LNX1: variants seen among roughly 807,000 people sequenced by gnomAD.
LNX1 encodes ligand of numb-protein X 1, also known as E3 ubiquitin-protein ligase LNX.
Under a neutral mutation model 68.4 loss-of-function variants are expected in LNX1, and 54 were observed. The ratio of observed to expected loss-of-function variants is 0.79; its 90% confidence interval spans 0.63 to 0.99. LNX1 has a LOEUF of 0.99. LNX1 is among the 50% of genes least tolerant of loss of function. LNX1 has a pLI of 0.00. For missense variants in LNX1, 906 were observed against 926.4 expected, an observed-to-expected ratio of 0.98 and a Z score of 0.29; for synonymous variants, 336 against 350.0, an observed-to-expected ratio of 0.96 and a Z score of 0.45.
chr4:53,469,670 T>C (rs1204168421), intron 9 of LNX1, among the ~76,000 whole-genome samples: 1 of 152,054 alleles, frequency 6.6e-6, no homozygotes, highest in Non-Finnish European at 1.5e-5. Flanking sequence ...TCACCACCAA[T>C]CCCACAGAAA....
intron 2 of LNX1, among the ~76,000 whole-genome samples, chr4:53,531,084 G>A (rs1727989488): frequency 6.6e-6 from 1 of 152,190 alleles, no homozygotes; most frequent in Non-Finnish European, 1.5e-5. Context: ...AGGATGGCTT[G>A]AGCCTGGGGA....
chr4:53,579,556 A>G (rs898335376), intron 1 of LNX1, among the ~76,000 whole-genome samples: 1 of 152,174 alleles, frequency 6.6e-6, no homozygotes, highest in Non-Finnish European at 1.5e-5. Context: ...GACAATAAAG[A>G]CACATACCAG....
intron 1 of LNX1, among the ~76,000 whole-genome samples, chr4:53,580,788 A>G (rs1299727480): frequency 1.3e-5 from 2 of 152,162 alleles, no homozygotes; most frequent in Non-Finnish European, 2.9e-5. Context: ...AATCCTTAGA[A>G]CCATTGCTAT....
At chr4:53,607,351 T>C (rs561910092) in intron 2 of LNX1, among the ~76,000 whole-genome samples, 2 of 152,208 alleles carry the variant, frequency 1.3e-5, no homozygotes, top group African/African-American at 4.8e-5. Flanking sequence ...GAGAATGCAA[T>C]CTCATTCACG....
chr4:53,496,546 C>T (rs1487728808), intron 5 of LNX1, 152 bp from the exon 6 acceptor site: 6 of 920,442 alleles, frequency 6.5e-6, no homozygotes, highest in African/African-American at 1.7e-5. Flanking sequence ...CTTCCAACAG[C>T]GTTTCTAACC....
chr4:53,473,482 C>G (rs1367583265), intron 9 of LNX1, among the ~76,000 whole-genome samples: 3 of 152,154 alleles, frequency 2.0e-5, no homozygotes, highest in African/African-American at 7.2e-5. Flanking sequence ...TAAAGAAGAA[C>G]AAGATCATGT....
chr4:53,482,625 T>C lies in LNX1; in HGVS notation c.1351-771A>G, dbSNP rs568373600. 4.6e-5 allele frequency among the ~76,000 whole-genome samples: 7 copies of C among 152,326 alleles called. No individual in the cohort carries two copies. The East Asian group carries it at 1.2e-3, about 25-fold the overall frequency. On this transcript the variant is annotated intron_variant, in intron 6 of 10. Coordinates refer to ENST00000263925, the MANE Select transcript of LNX1 (RefSeq NM_001126328.3). Reference sequence around the variant, plus strand: ...GAGGAATGGAAAATCAAATACTGCATGTTCTCACTTGTAAGTGGGAGCTTA... The same window carrying C: ...GAGGAATGGAAAATCAAATACTGCACGTTCTCACTTGTAAGTGGGAGCTTA...
chr4:53,626,956 T>A (rs1307745036), intron 1 of LNX1, among the ~76,000 whole-genome samples: 1 of 152,212 alleles, frequency 6.6e-6, no homozygotes, highest in Non-Finnish European at 1.5e-5. Flanking sequence ...CCTTTACTCA[T>A]CATACACCTT....
rs113675104 is a variant in LNX1 at position 53,479,894 on chromosome 4, C to T, written c.1486-1152G>A. ...CCTACCCATGTACCTCAAAACCCTA[C>T]ATCAGAAATAAACATTCCATGTGCA... On this transcript the variant is annotated intron_variant, in intron 7 of 10. Coordinates refer to ENST00000263925, the MANE Select transcript of LNX1 (RefSeq NM_001126328.3). 3.5e-3 allele frequency among the ~76,000 whole-genome samples: 534 copies of T among 152,304 alleles called. 8 individuals carry two copies. The highest frequency in any genetic ancestry group is 0.012 in the African/African-American group (516 of 41,560).
intron 6 of LNX1, among the ~76,000 whole-genome samples, chr4:53,492,023 G>A (rs1010174454): frequency 6.6e-6 from 1 of 152,098 alleles, no homozygotes; most frequent in African/African-American, 2.4e-5. Context: ...CTGACCTCAG[G>A]TGACCCACCC....
intron 2 of LNX1, among the ~76,000 whole-genome samples, chr4:53,615,184 T>A (rs1263992926): frequency 6.6e-6 from 1 of 152,170 alleles, no homozygotes; most frequent in Non-Finnish European, 1.5e-5. Flanking sequence ...TGGCCTCTGA[T>A]AAATCATGGA....
intron 2 of LNX1, chr4:53,549,334 T>C (rs1398775250): frequency 6.6e-6 from 1 of 152,054 alleles, no homozygotes; most frequent in African/African-American, 2.4e-5. Flanking sequence ...TTAAAACCAT[T>C]GTTCTATTTT....
chr4:53,568,111 A>G (rs1730836689), intron 2 of LNX1, among the ~76,000 whole-genome samples: 1 of 152,150 alleles, frequency 6.6e-6, no homozygotes, highest in African/African-American at 2.4e-5. Flanking sequence ...ATTCCAATTG[A>G]TAGAAAAAGA....
In LNX1 at chr4:53,476,878, A is replaced by G. The variant is rs142450551; in HGVS notation, c.1767T>C (p.Ala589=). 17 of 1,614,018 alleles carry G rather than the reference A, an allele frequency of 1.1e-5. No individual in the cohort carries two copies. Among genetic ancestry groups the G allele is most frequent in the Middle Eastern group, 3.3e-4 (2 of 6,084 alleles). The change falls in exon 9 of 11, where the codon GCT becomes GCC. Residue 589 remains alanine, a synonymous_variant. Transcript: ENST00000263925. ...GGGGCTCATACTCTTTGACTTCCAA[A>G]GCTTTGAGTACTATCGAGGATGATG... The part of the protein sequence containing the change: ...KRTSSSIVLK[A]LEVKEYEPQE...
chr4:53,631,065 T>A (rs1734251034), intron 1 of LNX1, among the ~76,000 whole-genome samples: 1 of 152,206 alleles, frequency 6.6e-6, no homozygotes, highest in South Asian at 2.1e-4. Flanking sequence ...TACAGTTCTA[T>A]GGACCGCTGG....
At chr4:53,488,668 C>G (rs1292675361) in intron 6 of LNX1, among the ~76,000 whole-genome samples, 9 of 152,154 alleles carry the variant, frequency 5.9e-5, no homozygotes, top group Non-Finnish European at 1.2e-4. Context: ...CGATTCCTGT[C>G]TTTACCTATG....
intron 1 of LNX1, among the ~76,000 whole-genome samples, chr4:53,590,627 A>T (rs1172624987): frequency 6.6e-6 from 1 of 152,250 alleles, no homozygotes; most frequent in Non-Finnish European, 1.5e-5. Flanking sequence ...CTATTAAAAG[A>T]AAAAGAGACA....
intron 2 of LNX1, among the ~76,000 whole-genome samples, chr4:53,515,690 T>C (rs1726722102): frequency 6.6e-6 from 1 of 152,120 alleles, no homozygotes; most frequent in South Asian, 2.1e-4. Context: ...GCTGCTACAG[T>C]GGGTTTTTAA....
chr4:53,601,995 G>T (rs1288597117), intron 2 of LNX1, among the ~76,000 whole-genome samples: 2 of 152,066 alleles, frequency 1.3e-5, no homozygotes. Context: ...TCTCCAGTCA[G>T]CACCATTGTC....
Sources: gnomAD v4.1 joint callset for allele counts (sites outside exome capture counted in the v4.1 genomes callset) on GRCh38, gnomAD v4.1.1 for gene constraint, MANE v1.5 for transcripts, NCBI Gene and HGNC (gene_info 2026-07-23, HGNC 2026-07-21) for gene names.